DIAPH2: variants seen among roughly 807,000 people sequenced by gnomAD.
The protein encoded by DIAPH2 is protein diaphanous homolog 2.
Under a neutral mutation model 92.7 loss-of-function variants are expected in DIAPH2, and 35 were observed. That is an observed-to-expected ratio of 0.38 (90% CI 0.29 to 0.50). The LOEUF is 0.50. Ranked by LOEUF, DIAPH2 falls within the 20% of genes least tolerant of loss-of-function variation. DIAPH2 has a pLI of 0.94. For missense variants in DIAPH2, 701 were observed against 819.5 expected (o/e 0.86, Z 1.77); for synonymous variants, 301 against 280.4 (o/e 1.07, Z -0.73).
intron 26 of DIAPH2, among the ~76,000 whole-genome samples, chrX:97,572,633 A>G (rs1269955590): frequency 5.4e-5 from 6 of 112,078 alleles, no homozygotes; most frequent in Non-Finnish European, 9.4e-5. Context: ...CATACACATC[A>G]ACTCAAAAGT....
At chrX:97,101,681 G>A (rs777430254) in intron 20 of DIAPH2, among the ~76,000 whole-genome samples, 5 of 112,035 alleles carry the variant, frequency 4.5e-5, no homozygotes, top group Non-Finnish European at 7.5e-5. Context: ...GTACTTTGCA[G>A]TGTTTAGAAC....
intron 26 of DIAPH2, among the ~76,000 whole-genome samples, chrX:97,557,446 G>A (rs2071265564): frequency 8.9e-6 from 1 of 111,763 alleles, no homozygotes; most frequent in African/African-American, 3.3e-5. Flanking sequence ...GGCTGAGGCA[G>A]GAGAATCACT....
intron 4 of DIAPH2, among the ~76,000 whole-genome samples, chrX:96,780,873 T>A (rs1264470881): frequency 9.3e-6 from 1 of 107,652 alleles, no homozygotes; most frequent in Admixed American, 1.0e-4. Flanking sequence ...AGTGGCTCGA[T>A]CTCACTCACT....
intron 4 of DIAPH2, among the ~76,000 whole-genome samples, chrX:96,787,707 T>A (rs867798569): frequency 8.2e-4 from 77 of 94,113 alleles, no homozygotes; most frequent in Non-Finnish European, 1.2e-3. Context: ...TTTTTTTTTT[T>A]TGAGACAGAG....
chrX:97,270,315 C>T (rs1303262222), intron 23 of DIAPH2, among the ~76,000 whole-genome samples: 2 of 112,029 alleles, frequency 1.8e-5, no homozygotes, highest in African/African-American at 3.2e-5. Flanking sequence ...CCGCCCGCCT[C>T]GGCCTCCCAA....
chrX:97,368,805 T>C (rs1877478645), intron 24 of DIAPH2, among the ~76,000 whole-genome samples: 2 of 111,549 alleles, frequency 1.8e-5, no homozygotes, highest in Non-Finnish European at 3.8e-5. Flanking sequence ...ATGCCTCTTT[T>C]GTATTAGGTG....
At position 97,302,233 on chromosome X, in the gene DIAPH2, A is replaced by AAAG. The variant is rs1556021678; in HGVS notation, c.2845-45883_2845-45882insAAG. 4.9e-4 allele frequency among the ~76,000 whole-genome samples: 44 copies of AAAG among 88,914 alleles called. 3 individuals are homozygous for AAAG. Among genetic ancestry groups the AAAG allele is most frequent in the Admixed American group, 1.1e-3 (8 of 7,118 alleles). 77.2% of individuals were successfully genotyped at this position (88,914 alleles called of 115,157 possible). On this transcript the variant is annotated intron_variant, in intron 23 of 26. Transcript: ENST00000324765. ...TCTCAAAAAAAAAAAAAAAAAAAAAAGTATTGGACACTCAGCCAGGCATGG... is the reference window on the plus strand; with the variant it reads ...TCTCAAAAAAAAAAAAAAAAAAAAAAAAGGTATTGGACACTCAGCCAGGCATGG...
At chrX:97,324,153 C>T (rs908883873) in intron 23 of DIAPH2, among the ~76,000 whole-genome samples, 4 of 111,472 alleles carry the variant, frequency 3.6e-5, no homozygotes, top group South Asian at 3.8e-4. Context: ...TATTCCCATT[C>T]GAGAAGCCCC....
intron 25 of DIAPH2, among the ~76,000 whole-genome samples, chrX:97,396,384 AC>A (rs2069704084): frequency 9.0e-6 from 1 of 111,234 alleles, no homozygotes; most frequent in Admixed American, 9.6e-5. Flanking sequence ...ATCTACTGTT[AC>A]ACTTGGCCGG....
At chrX:96,967,382 A>T (rs866929559) in intron 17 of DIAPH2, among the ~76,000 whole-genome samples, 2 of 91,602 alleles carry the variant, frequency 2.2e-5, no homozygotes, top group Non-Finnish European at 4.5e-5. Flanking sequence ...TTTTATTTTT[A>T]TATTTATTTA....
chrX:97,194,312 T>C (rs1032168611), intron 22 of DIAPH2, among the ~76,000 whole-genome samples: 14 of 107,419 alleles, frequency 1.3e-4, no homozygotes, highest in Non-Finnish European at 2.1e-4. Flanking sequence ...GACGGAGTCT[T>C]GCTCTGTTGC....
chrX:97,324,734 C>T (rs2068935227), intron 23 of DIAPH2, among the ~76,000 whole-genome samples: 1 of 111,764 alleles, frequency 8.9e-6, no homozygotes, highest in Non-Finnish European at 1.9e-5. Flanking sequence ...ATTCTCTAGT[C>T]AGGTAATGAT....
At chrX:97,141,819 G>C in intron 22 of DIAPH2, 25 bp downstream of exon 22, 1 of 1,182,933 alleles carries the variant, frequency 8.5e-7, no homozygotes. Flanking sequence ...ACTACTTTGA[G>C]ATTATCTCTT....
At chrX:97,077,857 G>A (rs1025337322) in intron 19 of DIAPH2, among the ~76,000 whole-genome samples, 13 of 111,816 alleles carry the variant, frequency 1.2e-4, no homozygotes, top group Admixed American at 6.7e-4. Context: ...GCAGTAGCAC[G>A]TAGAAACATT....
At chrX:97,475,747 A>G (rs747074687) in intron 26 of DIAPH2, among the ~76,000 whole-genome samples, 17 of 112,180 alleles carry the variant, frequency 1.5e-4, no homozygotes, top group Non-Finnish European at 2.8e-4. Flanking sequence ...TCAGTTCTGT[A>G]TAGGTGATAT....
intron 5 of DIAPH2, among the ~76,000 whole-genome samples, chrX:96,888,768 A>T (rs2065287407): frequency 9.3e-6 from 1 of 107,863 alleles, no homozygotes; most frequent in East Asian, 2.9e-4. Flanking sequence ...TCAGGATAAC[A>T]GTATTGTTCG....
chrX:97,235,424 T>C (rs1188915011), intron 22 of DIAPH2, among the ~76,000 whole-genome samples: 1 of 109,250 alleles, frequency 9.2e-6, no homozygotes, highest in Non-Finnish European at 1.9e-5. Flanking sequence ...GCCAACATGG[T>C]GAAACCCCAT....
At chrX:97,123,287 A>G (rs1200911568) in intron 21 of DIAPH2, among the ~76,000 whole-genome samples, 3 of 112,053 alleles carry the variant, frequency 2.7e-5, no homozygotes, top group African/African-American at 9.7e-5. Context: ...CACTGTTGTG[A>G]TACTATGTCA....
chrX:97,347,508 T>C (rs923939405), intron 23 of DIAPH2, among the ~76,000 whole-genome samples: 3 of 111,234 alleles, frequency 2.7e-5, no homozygotes, highest in East Asian at 2.8e-4. Context: ...CTCATAAAAA[T>C]ATATGAGGCC....
Sources: allele counts gnomAD v4.1 joint callset (sites outside exome capture counted in the v4.1 genomes callset), GRCh38; gene constraint gnomAD v4.1.1; transcripts MANE v1.5; gene names NCBI Gene and HGNC (gene_info 2026-07-23, HGNC 2026-07-21).